Variants in HS6ST3 observed in about 807,000 individuals in gnomAD.
HS6ST3 encodes the protein heparan-sulfate 6-O-sulfotransferase 3.
HS6ST3 carries 12 observed loss-of-function variants against 36.7 expected under a neutral mutation model. The observed-to-expected ratio is 0.33, with a 90% confidence interval of 0.21 to 0.53. The LOEUF (loss-of-function observed/expected upper bound fraction) is 0.53, where lower values mean the gene tolerates loss of function less well. HS6ST3 is among the 20% of genes least tolerant of loss of function. The pLI is 0.95. For missense variants in HS6ST3, 584 were observed against 640.9 expected (o/e 0.91, Z 0.96); for synonymous variants, 240 against 257.5 (o/e 0.93, Z 0.65).
intron 1 of HS6ST3, among the ~76,000 whole-genome samples, chr13:96,328,761 C>T (rs957660266): frequency 3.3e-5 from 5 of 152,254 alleles, no homozygotes; most frequent in African/African-American, 4.8e-5. Flanking sequence ...GAATGGTACC[C>T]GTTCCTCCTT....
intron 1 of HS6ST3, among the ~76,000 whole-genome samples, chr13:96,143,215 A>G (rs2139318622): frequency 6.6e-6 from 1 of 152,156 alleles, no homozygotes; most frequent in East Asian, 1.9e-4. Context: ...TCACTATGAA[A>G]TAAGAAAATG....
intron 1 of HS6ST3, among the ~76,000 whole-genome samples, chr13:96,440,579 T>A (rs1166927309): frequency 1.3e-5 from 2 of 152,148 alleles, no homozygotes; most frequent in East Asian, 3.9e-4. Flanking sequence ...TCTCCTCTTA[T>A]TCTTGAGAAT....
chr13:96,824,727 C>T (rs1165750448), intron 1 of HS6ST3, among the ~76,000 whole-genome samples: 2 of 152,204 alleles, frequency 1.3e-5, no homozygotes, highest in Non-Finnish European at 2.9e-5. Context: ...AAAATGCACA[C>T]ATCAGCTTAT....
chr13:96,671,011 G>A (rs1255056020), intron 1 of HS6ST3, among the ~76,000 whole-genome samples: 1 of 152,090 alleles, frequency 6.6e-6, no homozygotes, highest in Non-Finnish European at 1.5e-5. Flanking sequence ...AGTAGCTTTA[G>A]GGATAGGCTT....
At chr13:96,331,444 A>G (rs900304130) in intron 1 of HS6ST3, among the ~76,000 whole-genome samples, 4 of 152,122 alleles carry the variant, frequency 2.6e-5, no homozygotes, top group African/African-American at 7.2e-5. Context: ...CTGCCGTGTG[A>G]GGTGTCAGTG....
At chr13:96,800,756 T>G (rs989158321) in intron 1 of HS6ST3, among the ~76,000 whole-genome samples, 12 of 151,896 alleles carry the variant, frequency 7.9e-5, no homozygotes, top group Admixed American at 7.9e-4. Flanking sequence ...AGCTCCCCCT[T>G]CTCAAGAACT....
chr13:96,279,051 A>G (rs2054762064), intron 1 of HS6ST3, among the ~76,000 whole-genome samples: 1 of 152,186 alleles, frequency 6.6e-6, no homozygotes, highest in Admixed American at 6.6e-5. Flanking sequence ...CTTCATCCTC[A>G]AAGATCTTAT....
intron 1 of HS6ST3, among the ~76,000 whole-genome samples, chr13:96,371,637 C>G (rs1299128631): frequency 6.6e-6 from 1 of 152,132 alleles, no homozygotes; most frequent in African/African-American, 2.4e-5. Context: ...ACTCCCAGAC[C>G]CTGGAAACCA....
At chr13:96,320,785 C>T (rs1236618609) in intron 1 of HS6ST3, among the ~76,000 whole-genome samples, 1 of 152,202 alleles carries the variant, frequency 6.6e-6, no homozygotes, top group Admixed American at 6.5e-5. Context: ...ACTGGGGACT[C>T]CTATTTCCCA....
chr13:96,592,754 G>A (rs1002605201), intron 1 of HS6ST3, among the ~76,000 whole-genome samples: 6 of 151,672 alleles, frequency 4.0e-5, no homozygotes, highest in Admixed American at 2.0e-4. Context: ...AAAATGTCAC[G>A]CCACTCTTTC....
chr13:96,397,997 G>A (rs914575786), intron 1 of HS6ST3, among the ~76,000 whole-genome samples: 6 of 152,156 alleles, frequency 3.9e-5, no homozygotes, highest in African/African-American at 1.4e-4. Flanking sequence ...GGAAAATGAG[G>A]TTAAGATTCT....
intron 1 of HS6ST3, among the ~76,000 whole-genome samples, chr13:96,355,728 T>C (rs1594761295): frequency 6.6e-6 from 1 of 152,192 alleles, no homozygotes; most frequent in African/African-American, 2.4e-5. Flanking sequence ...TGGTGGTTAC[T>C]GAAGGTTGGG....
chr13:96,534,174 T>A (rs966402903), intron 1 of HS6ST3, among the ~76,000 whole-genome samples: 1 of 152,190 alleles, frequency 6.6e-6, no homozygotes, highest in African/African-American at 2.4e-5. Flanking sequence ...ACTGATGTAT[T>A]TTTTAGCCCT....
In HS6ST3 at chr13:96,600,359, C is replaced by T. The variant is rs200796755; in HGVS notation, c.708-232131C>T. Among the ~76,000 whole-genome samples, 343 of 120,256 alleles carry T rather than the reference C, an allele frequency of 2.9e-3. 6 individuals carry two copies. The South Asian group carries it at 0.044, about 15-fold the overall frequency. The allele number at this position is 120,256 out of a possible 152,430, so 78.9% of individuals were successfully genotyped here. On this transcript the variant is annotated intron_variant, in intron 1 of 1. Coordinates refer to ENST00000376705, the MANE Select transcript of HS6ST3 (RefSeq NM_153456.4). ...ACACACACACACACACACACACACA[C>T]ATATATATATATATAGGATTGCTAT...
At chr13:96,770,256 A>C (rs1877229935) in intron 1 of HS6ST3, among the ~76,000 whole-genome samples, 1 of 152,216 alleles carries the variant, frequency 6.6e-6, no homozygotes, top group Admixed American at 6.5e-5. Context: ...TTATTTGTAG[A>C]AGCCAGTCTG....
intron 1 of HS6ST3, among the ~76,000 whole-genome samples, chr13:96,723,010 T>G (rs1031242787): frequency 1.3e-5 from 2 of 151,792 alleles, no homozygotes; most frequent in Non-Finnish European, 2.9e-5. Context: ...TGTGTGTGTG[T>G]GTGTGTGTGT....
intron 1 of HS6ST3, among the ~76,000 whole-genome samples, chr13:96,108,678 A>G (rs564389488): frequency 1.6e-4 from 25 of 152,346 alleles, no homozygotes; most frequent in African/African-American, 5.8e-4. Flanking sequence ...GAAAATAGAA[A>G]AGAACCCATG....
At chr13:96,673,718 A>G (rs2056689725) in intron 1 of HS6ST3, among the ~76,000 whole-genome samples, 1 of 151,844 alleles carries the variant, frequency 6.6e-6, no homozygotes, top group Non-Finnish European at 1.5e-5. Context: ...AGTTTCTGAG[A>G]TATTTCTTCA....
chr13:96,786,694 T>A (rs1482514289), intron 1 of HS6ST3, among the ~76,000 whole-genome samples: 1 of 152,192 alleles, frequency 6.6e-6, no homozygotes, highest in African/African-American at 2.4e-5. Flanking sequence ...TTAGGATAAT[T>A]ATACATATGA....
Sources: allele counts gnomAD v4.1 joint callset (sites outside exome capture counted in the v4.1 genomes callset), GRCh38; gene constraint gnomAD v4.1.1; transcripts MANE v1.5; gene names NCBI Gene and HGNC (gene_info 2026-07-23, HGNC 2026-07-21).